KCNK7: variants seen among roughly 807,000 people sequenced by gnomAD.
KCNK7 encodes the protein potassium two pore domain channel subfamily K member 7.
KCNK7 carries 14 observed loss-of-function variants against 18.1 expected under a neutral mutation model. The observed-to-expected ratio is 0.77, with a 90% confidence interval of 0.51 to 1.21. The LOEUF (loss-of-function observed/expected upper bound fraction) is 1.21, where lower values mean the gene tolerates loss of function less well. Among genes scored for constraint, KCNK7 ranks in the 50% most tolerant of loss-of-function variants. KCNK7 has a pLI of 0.00. For missense variants in KCNK7, 385 were observed against 387.3 expected (o/e 0.99, Z 0.05); for synonymous variants, 188 against 184.7 (o/e 1.02, Z -0.15).
At chr11:65,594,020 CTCT>C in intron 1 of KCNK7, 146 bp from the exon 2 acceptor site, 2 of 805,424 alleles carry the variant, frequency 2.5e-6, no homozygotes, top group Non-Finnish European at 1.9e-6. Flanking sequence ...GGCTCTGCTC[CTCT>C]TCGTCAGGGG....
Position 65,593,012 on chromosome 11 carries a change from G to C in KCNK7, c.917C>G (p.Ala306Gly), listed in dbSNP as rs1447426939. Residue 306 changes from alanine to glycine, a missense_variant, in exon 3 of 3, where the codon GCT becomes GGT. By Grantham distance (60) the Ala-to-Gly change is moderately conservative. Transcript: ENST00000340313. ...ACTCGGTCACCTGACGCTTCAGCAA[G>C]CAGGGGCTTGTCCTGAAGCTGGGGC... is the stretch of plus-strand genomic sequence containing the variant. ...PAAPASGQAPAC is the reference protein window; with the variant it reads ...PAAPASGQAPGC 3.1e-6 allele frequency: 5 copies of C among 1,613,010 alleles called. No homozygotes were observed. Among genetic ancestry groups the C allele is most frequent in the South Asian group, 2.2e-5 (2 of 91,034 alleles).
chr11:65,595,060 G>A (rs1473608243), intron 1 of KCNK7, among the ~76,000 whole-genome samples: 1 of 152,028 alleles, frequency 6.6e-6, no homozygotes, highest in Non-Finnish European at 1.5e-5. Flanking sequence ...ATCTCATGCC[G>A]ACTTCCTCCC....
chr11:65,594,052 GC>G (rs749263992), intron 1 of KCNK7, among the ~76,000 whole-genome samples, 178 bp from the exon 2 acceptor site: 1 of 152,206 alleles, frequency 6.6e-6, no homozygotes, highest in African/African-American at 2.4e-5. Context: ...CCCTCTCTAG[GC>G]CATTCTTTTC....
In KCNK7 at chr11:65,595,479, G is replaced by A. The variant is rs757711029; in HGVS notation, c.294C>T (p.Phe98=). ...CTGTGGTGGTGAGGATGCTGGCAGCGAAGAGCAGGGCTGAGGGAAGGTCCC... is the reference window on the plus strand; with the variant it reads ...CTGTGGTGGTGAGGATGCTGGCAGCAAAGAGCAGGGCTGAGGGAAGGTCCC... ...RTWDLPSALL[F]AASILTTTGY... Residue 98 remains phenylalanine, a synonymous_variant, in exon 1 of 3, where the codon TTC becomes TTT. Transcript: ENST00000340313. 26 of 1,458,846 alleles carry A rather than the reference G, an allele frequency of 1.8e-5. No individual in the cohort carries two copies. Among genetic ancestry groups the A allele is most frequent in the South Asian group, 5.9e-5 (4 of 68,368 alleles). The allele number at this position is 1,458,846 out of a possible 1,614,324, so 90.4% of individuals were successfully genotyped here.
chr11:65,594,385 A>G (rs753114099), intron 1 of KCNK7, among the ~76,000 whole-genome samples: 24 of 152,224 alleles, frequency 1.6e-4, no homozygotes, highest in Non-Finnish European at 2.1e-4. Context: ...GAACAGGATC[A>G]GCTAATACAG....
chr11:65,593,047 C>T lies in KCNK7; in HGVS notation c.882G>A (p.Leu294=). The T allele has an allele frequency of 6.2e-7, 1 of 1,611,738 alleles. No individual in the cohort carries two copies. Among genetic ancestry groups the T allele is most frequent in the Non-Finnish European group, 8.5e-7 (1 of 1,179,408 alleles). Residue 294 remains leucine, a synonymous_variant, in exon 3 of 3, where the codon CTG becomes CTA. Transcript: ENST00000340313. ...LGQDELALST[L]PPAAPASGQA... ...GTCCTGAAGCTGGGGCCGCGGGCGG[C>T]AGGGTGCTCAGAGCCAGTTCATCCT...
Position 65,593,674 on chromosome 11 carries a change from G to C in KCNK7, c.520C>G (p.Leu174Val), listed in dbSNP as rs142365879. Residue 174 changes from leucine (L) to valine (V), a missense_variant, in exon 2 of 3, where the codon CTG becomes GTG. Physicochemically the swap from Leu to Val is conservative, Grantham distance 32. Coordinates refer to ENST00000340313, the MANE Select transcript of KCNK7 (RefSeq NM_033347.2). ...ARAALLQAVA[L>V]GLLVASSFVL... Reference sequence around the variant, plus strand: ...AAGCTGCTGGCCACCAGCAGTCCCAGTGCAACTGCCTGCAGCAGCGCAGCC... The same window carrying C: ...AAGCTGCTGGCCACCAGCAGTCCCACTGCAACTGCCTGCAGCAGCGCAGCC... 6.2e-7 allele frequency: 1 copy of C among 1,606,006 alleles called. No individual in the cohort carries two copies. The highest frequency in any genetic ancestry group is 8.5e-7 in the Non-Finnish European group (1 of 1,179,102).
In KCNK7 at chr11:65,595,443, G is replaced by A; in HGVS notation, c.319+11C>T. ...GCCGCACCCCCCGACTTGGCTGCCTGGCTCTCTTACCTGTGGTGGTGAGGA... is the reference window on the plus strand; with the variant it reads ...GCCGCACCCCCCGACTTGGCTGCCTAGCTCTCTTACCTGTGGTGGTGAGGA... On this transcript the variant is annotated intron_variant, in intron 1 of 2. Coordinates refer to ENST00000340313, the MANE Select transcript of KCNK7 (RefSeq NM_033347.2). 1 of 1,419,706 alleles carries A rather than the reference G, an allele frequency of 7.0e-7. No homozygotes were observed. The highest frequency in any genetic ancestry group is 2.4e-5 in the Admixed American group (1 of 41,914). 87.9% of individuals were successfully genotyped at this position (1,419,706 alleles called of 1,614,324 possible). A position where few individuals can be genotyped will look rare whatever the true frequency, so the allele number is the denominator to read the frequency against.
chr11:65,595,311 C>T, intron 1 of KCNK7, 143 bp downstream of exon 1: 1 of 690,388 alleles, frequency 1.4e-6, no homozygotes, highest in South Asian at 5.1e-5. Flanking sequence ...TGGGGAGCCC[C>T]AGCTGTGATG....
At position 65,592,914 on chromosome 11, in the gene KCNK7, G is replaced by A. The variant is rs1214358722; in HGVS notation, c.*91C>T. The A allele has an allele frequency of 6.9e-6, 10 of 1,458,544 alleles. No homozygotes were observed. Among genetic ancestry groups the A allele is most frequent in the Non-Finnish European group, 9.2e-6 (10 of 1,090,490 alleles). The allele number at this position is 1,458,544 out of a possible 1,614,324, so 90.4% of individuals were successfully genotyped here. ...AGGCCTCCCGCCCACCCTCACCGCGGCTCCATCTCCAGATTCTTCCCCAGC... is the reference window on the plus strand; with the variant it reads ...AGGCCTCCCGCCCACCCTCACCGCGACTCCATCTCCAGATTCTTCCCCAGC... On this transcript the variant is annotated 3_prime_UTR_variant, in exon 3 of 3. Coordinates refer to ENST00000340313, the MANE Select transcript of KCNK7 (RefSeq NM_033347.2).
chr11:65,595,627 G>C lies in KCNK7; in HGVS notation c.146C>G (p.Ala49Gly), dbSNP rs149982266. 19 of 1,604,100 alleles carry C rather than the reference G, an allele frequency of 1.2e-5. No homozygotes were observed. The African/African-American group carries it at 1.9e-4, about 16-fold the overall frequency. Reference sequence around the variant, plus strand: ...GCAGGCCCTATGCTCTGCCTGGAAGGCTGCCAGCTCTGCCCTGAGCTCAGC... The same window carrying C: ...GCAGGCCCTATGCTCTGCCTGGAAGCCTGCCAGCTCTGCCCTGAGCTCAGC... ...LQAELRAELA[A>G]FQAEHRACLP... The change falls in exon 1 of 3, where the codon GCC becomes GGC. Residue 49 changes from alanine to glycine, a missense_variant. Ala to Gly is a moderately conservative substitution (Grantham distance 60, BLOSUM62 0). Coordinates refer to ENST00000340313, the MANE Select transcript of KCNK7 (RefSeq NM_033347.2).
intron 1 of KCNK7, among the ~76,000 whole-genome samples, chr11:65,595,030 T>A (rs1854324848): frequency 6.6e-6 from 1 of 152,208 alleles, no homozygotes; most frequent in Non-Finnish European, 1.5e-5. Flanking sequence ...TCCCTGTCTG[T>A]GCCCTCCTGA....
intron 1 of KCNK7, 73 bp downstream of exon 1, chr11:65,595,381 G>T: frequency 1.6e-6 from 2 of 1,283,078 alleles, no homozygotes; most frequent in South Asian, 2.3e-5. Context: ...AGGGCTGCAT[G>T]AACCCCAAAG....
In KCNK7 at chr11:65,593,171, A is replaced by G; in HGVS notation, c.758T>C (p.Val253Ala). The G allele has an allele frequency of 1.9e-6, 3 of 1,613,612 alleles. No individual in the cohort carries two copies. The highest frequency in any genetic ancestry group is 1.3e-5 in the African/African-American group (1 of 75,006). The change falls in exon 3 of 3, where the codon GTG becomes GCG. Residue 253 changes from valine (V) to alanine (A), a missense_variant. Physicochemically the swap from Val to Ala is moderately conservative, Grantham distance 64 (BLOSUM62 0). Coordinates refer to ENST00000340313, the MANE Select transcript of KCNK7 (RefSeq NM_033347.2). ...CTGCGGCAGCTCAGAGAAGGTCTCC[A>G]CTGCCAGCAGCATGGCCAAGAGTCC... is the stretch of plus-strand genomic sequence containing the variant. ...LLGLLAMLLA[V>A]ETFSELPQVR...
intron 2 of KCNK7, 97 bp from the exon 3 acceptor site, chr11:65,593,307 C>G (rs767712612): frequency 6.2e-7 from 1 of 1,613,718 alleles, no homozygotes; most frequent in South Asian, 1.1e-5. Flanking sequence ...TGGCACCACT[C>G]ACCCCCTTCT....
chr11:65,594,672 A>C (rs568239372), intron 1 of KCNK7, among the ~76,000 whole-genome samples: 50 of 152,090 alleles, frequency 3.3e-4, no homozygotes, highest in Middle Eastern at 3.4e-3. Flanking sequence ...GAGTTTGAGA[A>C]CAGCCTGGCC....
At chr11:65,593,270 C>A in intron 2 of KCNK7, 60 bp from the exon 3 acceptor site, 1 of 1,613,540 alleles carries the variant, frequency 6.2e-7, no homozygotes, top group Non-Finnish European at 8.5e-7. Context: ...CCGCCCACCT[C>A]CCAGCGCAGT....
intron 1 of KCNK7, 107 bp from the exon 2 acceptor site, chr11:65,593,981 C>A: frequency 7.9e-7 from 1 of 1,259,258 alleles, no homozygotes; most frequent in South Asian, 1.6e-5. Context: ...CTCTGGTGGC[C>A]TTGAACTGGC....
In KCNK7 at chr11:65,593,162, A is replaced by G. The variant is rs1378967200; in HGVS notation, c.767T>C (p.Phe256Ser). The G allele has an allele frequency of 6.2e-7, 1 of 1,613,678 alleles. No homozygotes were observed. ...GGCACGGACCTGCGGCAGCTCAGAG[A>G]AGGTCTCCACTGCCAGCAGCATGGC... ...LLAMLLAVETFSELPQVRAMG... is the reference protein window; with the variant it reads ...LLAMLLAVETSSELPQVRAMG... Residue 256 changes from phenylalanine (F) to serine (S), a missense_variant, in exon 3 of 3, where the codon TTC (phenylalanine) becomes TCC (serine). Transcript: ENST00000340313.
Sources: allele counts gnomAD v4.1 joint callset (sites outside exome capture counted in the v4.1 genomes callset), GRCh38; gene constraint gnomAD v4.1.1; transcripts MANE v1.5; gene names NCBI Gene and HGNC (gene_info 2026-07-23, HGNC 2026-07-21).